KRT86: variants seen among roughly 807,000 people sequenced by gnomAD.
KRT86 encodes the protein keratin, type II cuticular Hb6.
A neutral mutation model predicts 41.2 loss-of-function variants in KRT86; 30 were observed. The ratio of observed to expected loss-of-function variants is 0.73; its 90% confidence interval spans 0.54 to 0.99. The LOEUF is 0.99. KRT86 is among the 50% of genes least tolerant of loss of function. KRT86 has a pLI of 0.00. For synonymous variants in KRT86, 238 were observed against 238.1 expected, an observed-to-expected ratio of 1.00 and a Z score of 0.00; for missense variants, 561 against 571.4, an observed-to-expected ratio of 0.98 and a Z score of 0.19.
In KRT86 at chr12:52,291,768, G is replaced by T. The variant is rs112211654; in HGVS notation, c.-4-10145G>T. 6.6e-3 allele frequency among the ~76,000 whole-genome samples: 1,007 copies of T among 152,184 alleles called. 4 individuals are homozygous for T. Among genetic ancestry groups the T allele is most frequent in the Middle Eastern group, 0.017 (5 of 294 alleles). ...CATCTTCAAAGTGTCTTGCCAGCAG[G>T]GCATTCCTTCATCTGCAGGCATTGG... On this transcript the variant is annotated intron_variant, in intron 2 of 10. Coordinates refer to ENST00000423955, the MANE Select transcript of KRT86 (RefSeq NM_001320198.2).
In KRT86 at chr12:52,308,632, G is replaced by C; in HGVS notation, c.*47G>C. 6.4e-7 allele frequency: 1 copy of C among 1,564,044 alleles called. No individual in the cohort carries two copies. The highest frequency in any genetic ancestry group is 1.7e-5 in the Admixed American group (1 of 57,796). ...GCCTGTCGCCGTCACTCTCCACCCA[G>C]CCAGTACCTCGCGCCACCAGAACGC... On this transcript the variant is annotated 3_prime_UTR_variant, in exon 11 of 11. Transcript: ENST00000423955.
chr12:52,304,782 C>G, intron 5 of KRT86, 150 bp from the exon 6 acceptor site: 1 of 932,494 alleles, frequency 1.1e-6, no homozygotes, highest in Non-Finnish European at 1.8e-6. Flanking sequence ...GCCAGGTCAC[C>G]CCGGGAAGGG....
chr12:52,300,866 C>A (rs1277678534), intron 2 of KRT86, among the ~76,000 whole-genome samples: 2 of 152,288 alleles, frequency 1.3e-5, no homozygotes, highest in Middle Eastern at 3.4e-3. Context: ...TACACAGAGG[C>A]CTGAGAGGAC....
chr12:52,298,653 T>C (rs1451723535), intron 2 of KRT86, among the ~76,000 whole-genome samples: 1 of 152,202 alleles, frequency 6.6e-6, no homozygotes. Flanking sequence ...TTAGAAATCA[T>C]GAAATGAGGT....
intron 2 of KRT86, among the ~76,000 whole-genome samples, chr12:52,281,933 G>A (rs11170070): frequency 0.04 from 6,095 of 152,052 alleles, 171 homozygotes; most frequent in African/African-American, 0.075. Flanking sequence ...TAGAGATGGG[G>A]TCTCACCATA....
chr12:52,288,361 C>G, intron 2 of KRT86: 1 of 1,614,092 alleles, frequency 6.2e-7, no homozygotes, highest in Non-Finnish European at 8.5e-7. Context: ...GAGCCCGCAC[C>G]TCCTCATACA....
Position 52,275,920 on chromosome 12 carries a change from G to A in KRT86, c.-31G>A, listed in dbSNP as rs11834152. On this transcript the variant is annotated 5_prime_UTR_variant, in exon 2 of 11. In the 5' UTR this introduces an upstream ATG that the reference lacks. Coordinates refer to ENST00000423955, the MANE Select transcript of KRT86 (RefSeq NM_001320198.2). ...TAATCAGGCCATCCAGTGGCTGACG[G>A]TGGAGGTGGGCAGTGCTGAGAGTCA... The A allele has an allele frequency of 2.2e-3, 2,154 of 986,044 alleles. 29 individuals carry two copies. In the African/African-American group the frequency reaches 0.034, roughly 15 times the overall value. 61.1% of individuals were successfully genotyped at this position (986,044 alleles called of 1,614,324 possible). A position where few individuals can be genotyped will look rare whatever the true frequency, so the allele number is the denominator to read the frequency against.
rs998303032 is a variant in KRT86, at chr12:52,275,855, C to A, written c.-96C>A. 1.0e-6 allele frequency: 1 copy of A among 985,804 alleles called. No homozygotes were observed. The highest frequency in any genetic ancestry group is 1.2e-6 in the Non-Finnish European group (1 of 829,980). The allele number at this position is 985,804 out of a possible 1,614,324, so 61.1% of individuals were successfully genotyped here. A position where few individuals can be genotyped will look rare whatever the true frequency, so the allele number is the denominator to read the frequency against. On this transcript the variant is annotated 5_prime_UTR_variant, in exon 2 of 11. Transcript: ENST00000423955. ...TTAAAGGCAACTGTGCAGAAACACA[C>A]GCAGAGCCTGAAGCCCAGCAAGGAG...
intron 2 of KRT86, among the ~76,000 whole-genome samples, chr12:52,296,128 G>A (rs1181965872): frequency 6.6e-6 from 1 of 152,124 alleles, no homozygotes. Context: ...TAGGAAAAGA[G>A]GGAGAAAGAA....
In KRT86 at chr12:52,308,537, C is replaced by T; in HGVS notation, c.1413C>T (p.Ala471=). The change falls in exon 11 of 11, where the codon GCC becomes GCT. Residue 471 remains alanine (A), a synonymous_variant. Coordinates refer to ENST00000423955, the MANE Select transcript of KRT86 (RefSeq NM_001320198.2). ...NVVVGTTNAC[A]PSARVGVCGG... Reference sequence around the variant, plus strand: ...TGGTGGGCACTACTAACGCCTGCGCCCCCTCCGCCCGGGTTGGCGTCTGCG... The same window carrying T: ...TGGTGGGCACTACTAACGCCTGCGCTCCCTCCGCCCGGGTTGGCGTCTGCG... The T allele has an allele frequency of 1.9e-6, 3 of 1,602,022 alleles. No homozygotes were observed. In the African/African-American group the frequency reaches 4.0e-5, roughly 21 times the overall value.
intron 2 of KRT86, among the ~76,000 whole-genome samples, chr12:52,294,880 T>C (rs573746063): frequency 1.3e-5 from 2 of 152,366 alleles, no homozygotes; most frequent in East Asian, 3.9e-4. Context: ...ATAAATGGAC[T>C]CATGTTGCAT....
At chr12:52,306,435 C>G (rs1938521184) in intron 9 of KRT86, among the ~76,000 whole-genome samples, 155 bp downstream of exon 9, 1 of 152,196 alleles carries the variant, frequency 6.6e-6, no homozygotes, top group Non-Finnish European at 1.5e-5. Context: ...ATGATCTAGC[C>G]CCGTTTGAGT....
At chr12:52,288,042 T>C in intron 2 of KRT86, 1 of 1,614,236 alleles carries the variant, frequency 6.2e-7, no homozygotes, top group Non-Finnish European at 8.5e-7. Flanking sequence ...GTCGTCATAC[T>C]GTGCCTTAAT....
chr12:52,279,280 G>A (rs1055741890), intron 2 of KRT86: 1 of 152,406 alleles, frequency 6.6e-6, no homozygotes, highest in African/African-American at 2.4e-5. Context: ...CTGCCCTAAA[G>A]ACTTAGCCCT....
chr12:52,287,489 C>A, intron 2 of KRT86: 2 of 1,605,078 alleles, frequency 1.2e-6, no homozygotes, highest in Non-Finnish European at 1.7e-6. Context: ...TCTACATGGA[C>A]AAAGGGGGTG....
intron 3 of KRT86, among the ~76,000 whole-genome samples, chr12:52,302,874 G>T: frequency 7.0e-6 from 1 of 143,240 alleles, no homozygotes; most frequent in African/African-American, 2.6e-5. Flanking sequence ...CCAGGGAGCA[G>T]GCACTGACAC....
chr12:52,292,396 G>T (rs894267738), intron 2 of KRT86, among the ~76,000 whole-genome samples: 2 of 152,168 alleles, frequency 1.3e-5, no homozygotes, highest in Admixed American at 6.5e-5. Context: ...TTTCCTAACT[G>T]TCCTAAGGAT....
At chr12:52,287,345 G>A (rs1351837574) in intron 2 of KRT86, 3 of 1,613,718 alleles carry the variant, frequency 1.9e-6, no homozygotes, top group East Asian at 2.2e-5. Flanking sequence ...GAAAGAACAA[G>A]GTAGATTAGA....
At chr12:52,287,743 A>C (rs1386955354) in intron 2 of KRT86, 2 of 1,613,904 alleles carry the variant, frequency 1.2e-6, no homozygotes, top group Admixed American at 1.7e-5. Context: ...AGAGATGCTC[A>C]TGAGGTTCAG....
Sources: allele counts gnomAD v4.1 joint callset (sites outside exome capture counted in the v4.1 genomes callset), GRCh38; gene constraint gnomAD v4.1.1; transcripts MANE v1.5; gene names NCBI Gene and HGNC (gene_info 2026-07-23, HGNC 2026-07-21).